Variants in CFAP97D2 observed in about 807,000 individuals in gnomAD.
CFAP97D2 encodes the protein uncharacterized protein CFAP97D2.
At chr13:114,219,042 T>C (rs907034489) in intron 4 of CFAP97D2, among the ~76,000 whole-genome samples, 2 of 152,260 alleles carry the variant, frequency 1.3e-5, no homozygotes, top group Non-Finnish European at 2.9e-5. Flanking sequence ...CTAATTAAAC[T>C]AAAGAACTTC....
intron 3 of CFAP97D2, among the ~76,000 whole-genome samples, chr13:114,210,560 T>A (rs1419100636): frequency 6.6e-6 from 1 of 152,184 alleles, no homozygotes; most frequent in East Asian, 1.9e-4. Flanking sequence ...TCTTCTGCCC[T>A]ATTTTCTTCT....
rs569878456 is a variant in CFAP97D2 at position 114,186,464 on chromosome 13, C to T, written c.90+7044C>T. Among the ~76,000 whole-genome samples, 15 of 152,320 alleles carry T rather than the reference C, an allele frequency of 9.8e-5. No homozygotes were observed. Among genetic ancestry groups the T allele is most frequent in the African/African-American group, 3.4e-4 (14 of 41,568 alleles). ...TGCAGGACAAGAACTTGGGACCCAT[C>T]AAGTGGTGGGGCTAAAAGAGCTGCA... On this transcript the variant is annotated intron_variant, in intron 1 of 4. Coordinates refer to ENST00000646158, the Ensembl canonical transcript of CFAP97D2. This position sits in a 1 kb window ranked among gnomAD's most constrained non-coding sequence, Gnocchi z 4.3.
chr13:114,205,516 T>G (rs1353623731), intron 3 of CFAP97D2, among the ~76,000 whole-genome samples: 1 of 152,216 alleles, frequency 6.6e-6, no homozygotes, highest in Non-Finnish European at 1.5e-5. Context: ...ATAGTTTGCT[T>G]CTTCTTTCCC....
At chr13:114,202,870 G>A (rs904552994) in intron 3 of CFAP97D2, among the ~76,000 whole-genome samples, 1 of 152,154 alleles carries the variant, frequency 6.6e-6, no homozygotes, top group African/African-American at 2.4e-5. Flanking sequence ...GAGTCACGCC[G>A]AGAAGACCTG....
chr13:114,196,603 G>T, intron 2 of CFAP97D2, 127 bp downstream of exon 2: 1 of 395,956 alleles, frequency 2.5e-6, no homozygotes, highest in Non-Finnish European at 4.4e-6. Context: ...TGCAGTCTAG[G>T]TGATTAATTA....
chr13:114,193,874 C>T (rs533030355), intron 1 of CFAP97D2, among the ~76,000 whole-genome samples: 1 of 152,270 alleles, frequency 6.6e-6, no homozygotes, highest in South Asian at 2.1e-4. Flanking sequence ...TCAGATGATC[C>T]ATCTGCCTCG....
At chr13:114,190,750 G>A (rs2080866541) in intron 1 of CFAP97D2, among the ~76,000 whole-genome samples, 1 of 152,182 alleles carries the variant, frequency 6.6e-6, no homozygotes, top group South Asian at 2.1e-4. Flanking sequence ...ATCCCAGCAA[G>A]TTGTTTTGTT....
chr13:114,182,974 G>A (rs1566610750), intron 1 of CFAP97D2, among the ~76,000 whole-genome samples: 1 of 152,066 alleles, frequency 6.6e-6, no homozygotes, highest in Non-Finnish European at 1.5e-5. Context: ...TGCACTCACT[G>A]CTACCTCCAG....
At position 114,182,400 on chromosome 13, in the gene CFAP97D2, C is replaced by T. The variant is rs375829981; in HGVS notation, c.90+2980C>T. Among the ~76,000 whole-genome samples the T allele has an allele frequency of 5.1e-4, 78 of 151,906 alleles. 2 individuals are homozygous for T. The highest frequency in any genetic ancestry group is 1.3e-3 in the South Asian group (6 of 4,784). On this transcript the variant is annotated intron_variant, in intron 1 of 4. Coordinates refer to ENST00000646158, the Ensembl canonical transcript of CFAP97D2. ...GGTTTTATACCGAGACATTCAGTTC[C>T]CAGGGGCAGGCAGGAGACAGTGGCC...
intron 4 of CFAP97D2, among the ~76,000 whole-genome samples, chr13:114,212,623 G>A (rs751375984): frequency 2.0e-5 from 3 of 152,170 alleles, no homozygotes; most frequent in East Asian, 1.9e-4. Context: ...GCCAAGGCGG[G>A]TGGATAACGA....
Position 114,211,778 on chromosome 13 carries a change from T to A in CFAP97D2, c.291-134T>A, listed in dbSNP as rs1011939854. The A allele has an allele frequency of 1.5e-5, 6 of 396,922 alleles. No homozygotes were observed. In the Admixed American group the frequency reaches 2.6e-4, roughly 17 times the overall value. The allele number at this position is 396,922 out of a possible 1,614,324, so 24.6% of individuals were successfully genotyped here. A position where few individuals can be genotyped will look rare whatever the true frequency, so the allele number is the denominator to read the frequency against. On this transcript the variant is annotated intron_variant, in intron 3 of 4. Transcript: ENST00000646158. This position sits in a 1 kb window ranked among gnomAD's most constrained non-coding sequence, Gnocchi z 4.2. Reference sequence around the variant, plus strand: ...GCACCTGGAGAACCGGTTTCTTAAATGTTGGTTCAGTGGGAAGCAGGAGCA... The same window carrying A: ...GCACCTGGAGAACCGGTTTCTTAAAAGTTGGTTCAGTGGGAAGCAGGAGCA...
In CFAP97D2 at chr13:114,182,469, C is replaced by A. The variant is rs376983983; in HGVS notation, c.90+3049C>A. ...AAGAGGCCTTCCTCTTTTACTAATC[C>A]ACCTCAGCACAGACCCTTTACCGGT... is the stretch of plus-strand genomic sequence containing the variant. On this transcript the variant is annotated intron_variant, in intron 1 of 4. Transcript: ENST00000646158. Among the ~76,000 whole-genome samples, 12 of 151,902 alleles carry A rather than the reference C, an allele frequency of 7.9e-5. 1 individual carries two copies. The highest frequency in any genetic ancestry group is 3.9e-4 in the East Asian group (2 of 5,164).
At chr13:114,212,045 A>G (rs1214842760) in exon 4 of CFAP97D2, 4 of 398,540 alleles carry the variant, frequency 1.0e-5, no homozygotes, top group African/African-American at 2.1e-5. Context: ...AGGGCTGAGA[A>G]GTCCCGGGTG....
At chr13:114,210,151 T>A (rs2080960540) in intron 3 of CFAP97D2, among the ~76,000 whole-genome samples, 1 of 152,230 alleles carries the variant, frequency 6.6e-6, no homozygotes, top group South Asian at 2.1e-4. Context: ...CACATATATG[T>A]ATTAAGTATA....
At chr13:114,220,675 A>G (rs2081017553) in intron 4 of CFAP97D2, among the ~76,000 whole-genome samples, 2 of 152,214 alleles carry the variant, frequency 1.3e-5, no homozygotes, top group Admixed American at 1.3e-4. Context: ...CCCAACCCCA[A>G]TAACTCCTGC....
chr13:114,211,998 A>G lies in CFAP97D2; in HGVS notation c.377A>G (p.His126Arg), dbSNP rs923841896. The G allele has an allele frequency of 3.5e-5, 14 of 398,780 alleles. No homozygotes were observed. Among genetic ancestry groups the G allele is most frequent in the African/African-American group, 2.7e-4 (13 of 48,760 alleles). The allele number at this position is 398,780 out of a possible 1,614,324, so 24.7% of individuals were successfully genotyped here. A position where few individuals can be genotyped will look rare whatever the true frequency, so the allele number is the denominator to read the frequency against. ...TGGAAGGAATCACACACTCAGAACCATGGTATGGAGCTCAAAGGTGGTGTG... is the reference window on the plus strand; with the variant it reads ...TGGAAGGAATCACACACTCAGAACCGTGGTATGGAGCTCAAAGGTGGTGTG... The change falls in exon 4 of 5, where the codon CAT becomes CGT. Residue 126 changes from histidine to arginine, a missense_variant. Transcript: ENST00000646158. This position sits in a 1 kb window ranked among gnomAD's most constrained non-coding sequence, Gnocchi z 4.2.
intron 1 of CFAP97D2, among the ~76,000 whole-genome samples, chr13:114,188,884 G>A (rs946356695): frequency 1.3e-5 from 2 of 150,434 alleles, no homozygotes; most frequent in South Asian, 2.1e-4. Flanking sequence ...ATAGGAACTC[G>A]ATAGAGAAAA....
intron 3 of CFAP97D2, among the ~76,000 whole-genome samples, chr13:114,209,836 T>C (rs1271213014): frequency 2.6e-5 from 4 of 152,276 alleles, no homozygotes; most frequent in African/African-American, 9.6e-5. Flanking sequence ...GTAGACTCAA[T>C]GCCCAGGCCA....
intron 1 of CFAP97D2, among the ~76,000 whole-genome samples, chr13:114,180,698 T>C (rs955552472): frequency 1.3e-5 from 2 of 152,028 alleles, no homozygotes; most frequent in Admixed American, 6.6e-5. Flanking sequence ...TAGGGAAAGA[T>C]GGAAAGCAGT....
Sources: gnomAD v4.1 joint callset for allele counts (sites outside exome capture counted in the v4.1 genomes callset) on GRCh38, gnomAD v4.1.1 for gene constraint, Gnocchi (gnomAD v3.1) non-coding constraint, MANE v1.5 for transcripts, NCBI Gene and HGNC (gene_info 2026-07-23, HGNC 2026-07-21) for gene names.